TGFB3: variants seen among roughly 807,000 people sequenced by gnomAD.
The protein encoded by TGFB3 is transforming growth factor beta-3 proprotein.
TGFB3 carries 5 observed loss-of-function variants against 40.1 expected under a neutral mutation model. That is an observed-to-expected ratio of 0.12 (90% confidence interval 0.07 to 0.26). The LOEUF is 0.26. Among genes scored for constraint, TGFB3 ranks in the 10% least tolerant of loss-of-function variants. TGFB3 has a pLI of 1.00. For missense variants in TGFB3, 373 were observed against 530.1 expected, an observed-to-expected ratio of 0.70 and a Z score of 2.91; for synonymous variants, 184 against 205.6, an observed-to-expected ratio of 0.89 and a Z score of 0.90.
intron 4 of TGFB3, among the ~76,000 whole-genome samples, chr14:75,964,687 C>G (rs1032691096): frequency 6.6e-6 from 1 of 152,106 alleles, no homozygotes; most frequent in African/African-American, 2.4e-5. Context: ...TTCTGAAAAT[C>G]TTTATGAACA....
intron 1 of TGFB3, among the ~76,000 whole-genome samples, chr14:75,972,447 G>A (rs2035305029): frequency 6.6e-6 from 1 of 152,210 alleles, no homozygotes; most frequent in South Asian, 2.1e-4. Context: ...TGCCCCGGAA[G>A]ATGTCACAAT....
rs1463969797 is a variant in TGFB3, at chr14:75,971,661, G to A, written c.410C>T (p.Ser137Phe). ...GTTGGTTCTATTTTTCTCCACTGAG[G>A]ACACATTGAAGCGGAAAACCTTGGA... ...ITSKVFRFNV[S>F]SVEKNRTNLF... The change falls in exon 2 of 7, where the codon TCC (serine) becomes TTC (phenylalanine). Residue 137 changes from serine (S) to phenylalanine (F), a missense_variant. Coordinates refer to ENST00000238682, the MANE Select transcript of TGFB3 (RefSeq NM_003239.5). This position sits in a 1 kb window ranked among gnomAD's most constrained non-coding sequence, Gnocchi z 4.5. 6.2e-7 allele frequency: 1 copy of A among 1,614,244 alleles called. No homozygotes were observed.
rs1392193827 is a variant in TGFB3, at chr14:75,978,325, C to T, written c.352+2217G>A. ...ACCCCGCCCCGCCGCCTTGCAAGCC[C>T]CTGATGATGGCTCTCTGCTCCTGCT... On this transcript the variant is annotated intron_variant, in intron 1 of 6. Coordinates refer to ENST00000238682, the MANE Select transcript of TGFB3 (RefSeq NM_003239.5). The surrounding 1 kb of genome is among the most constrained non-coding windows in gnomAD (Gnocchi z 5.0). Among the ~76,000 whole-genome samples, 2 of 152,176 alleles carry T rather than the reference C, an allele frequency of 1.3e-5. No homozygotes were observed. The highest frequency in any genetic ancestry group is 2.4e-5 in the African/African-American group (1 of 41,430).
chr14:75,961,902 G>A (rs1250635350), intron 5 of TGFB3, among the ~76,000 whole-genome samples: 1 of 152,160 alleles, frequency 6.6e-6, no homozygotes, highest in Admixed American at 6.5e-5. Flanking sequence ...ATGTGACCCA[G>A]TAATGACCCA....
At chr14:75,969,522 G>T (rs192218851) in intron 3 of TGFB3, among the ~76,000 whole-genome samples, 1 of 152,196 alleles carries the variant, frequency 6.6e-6, no homozygotes, top group Non-Finnish European at 1.5e-5. Context: ...GCTTACTCTT[G>T]TAAAACATGG....
chr14:75,971,839 C>T lies in TGFB3; in HGVS notation c.353-121G>A, dbSNP rs373700712. 1 of 1,041,788 alleles carries T rather than the reference C, an allele frequency of 9.6e-7. No homozygotes were observed. The highest frequency in any genetic ancestry group is 1.6e-5 in the African/African-American group (1 of 63,878). The allele number at this position is 1,041,788 out of a possible 1,614,324, so 64.5% of individuals were successfully genotyped here. A position where few individuals can be genotyped will look rare whatever the true frequency, so the allele number is the denominator to read the frequency against. On this transcript the variant is annotated intron_variant, in intron 1 of 6. Transcript: ENST00000238682. This position sits in a 1 kb window ranked among gnomAD's most constrained non-coding sequence, Gnocchi z 4.5. ...CTGCCACCTCCCTAGAGGCTTGAGG[C>T]CTCAGACCGCAAGGTGGAGATACGA...
chr14:75,974,259 C>G (rs1011698899), intron 1 of TGFB3, among the ~76,000 whole-genome samples: 1 of 152,080 alleles, frequency 6.6e-6, no homozygotes, highest in Non-Finnish European at 1.5e-5. Context: ...TCAGGACACC[C>G]TAGTGGCCGT....
intron 3 of TGFB3, chr14:75,970,868 C>T (rs975589079): frequency 1.1e-5 from 5 of 454,402 alleles, no homozygotes; most frequent in South Asian, 2.0e-5. Context: ...CCCTGTTGGA[C>T]TCCACCCACT....
In TGFB3 at chr14:75,958,985, A is replaced by G; in HGVS notation, c.*202T>C. The G allele has an allele frequency of 1.5e-6, 1 of 660,102 alleles. No homozygotes were observed. The highest frequency in any genetic ancestry group is 1.7e-5 in the South Asian group (1 of 58,638). The allele number at this position is 660,102 out of a possible 1,614,324, so 40.9% of individuals were successfully genotyped here. On this transcript the variant is annotated 3_prime_UTR_variant, in exon 7 of 7. Transcript: ENST00000238682. Reference sequence around the variant, plus strand: ...GTTCAGCCTTCCTCTAACCAAACCCACACTTTCTTTACCACCGTGATTCTC... The same window carrying G: ...GTTCAGCCTTCCTCTAACCAAACCCGCACTTTCTTTACCACCGTGATTCTC...
intron 5 of TGFB3, 143 bp from the exon 6 acceptor site, chr14:75,961,219 G>C (rs1393118653): frequency 3.2e-6 from 3 of 925,394 alleles, no homozygotes; most frequent in East Asian, 2.6e-5. Context: ...CAAGGGCATG[G>C]GGCAGAAGAA....
At position 75,971,019 on chromosome 14, in the gene TGFB3, G is replaced by A. The variant is rs2035284111; in HGVS notation, c.646+107C>T. Reference sequence around the variant, plus strand: ...ATACTCAGTGGCAAAGCTAGGGTTTGAACCCAGATCTCTGACTCCCTTAAT... The same window carrying A: ...ATACTCAGTGGCAAAGCTAGGGTTTAAACCCAGATCTCTGACTCCCTTAAT... On this transcript the variant is annotated intron_variant, in intron 3 of 6. Coordinates refer to ENST00000238682, the MANE Select transcript of TGFB3 (RefSeq NM_003239.5). The surrounding 1 kb of genome is among the most constrained non-coding windows in gnomAD (Gnocchi z 4.5). 5 of 1,531,786 alleles carry A rather than the reference G, an allele frequency of 3.3e-6. No homozygotes were observed. Among genetic ancestry groups the A allele is most frequent in the Non-Finnish European group, 4.5e-6 (5 of 1,118,666 alleles). The allele number at this position is 1,531,786 out of a possible 1,614,324, so 94.9% of individuals were successfully genotyped here. A position where few individuals can be genotyped will look rare whatever the true frequency, so the allele number is the denominator to read the frequency against.
chr14:75,959,490 C>T lies in TGFB3; in HGVS notation c.1081-145G>A, dbSNP rs1429239251. On this transcript the variant is annotated intron_variant, in intron 6 of 6. Transcript: ENST00000238682. ...GCTCTTTAAGAGGAACTGTTGGGGGCCGGGTGCAGTGGCTCACAGCTGTAG... is the reference window on the plus strand; with the variant it reads ...GCTCTTTAAGAGGAACTGTTGGGGGTCGGGTGCAGTGGCTCACAGCTGTAG... 7.4e-6 allele frequency: 7 copies of T among 940,960 alleles called. 1 individual carries two copies. Among genetic ancestry groups the T allele is most frequent in the Admixed American group, 4.0e-5 (2 of 49,892 alleles). The allele number at this position is 940,960 out of a possible 1,614,324, so 58.3% of individuals were successfully genotyped here.
In TGFB3 at chr14:75,971,311, A is replaced by C; in HGVS notation, c.517-56T>G. The C allele has an allele frequency of 6.2e-7, 1 of 1,613,122 alleles. No homozygotes were observed. The highest frequency in any genetic ancestry group is 8.5e-7 in the Non-Finnish European group (1 of 1,179,834). ...AGACCAGGACAGAGTGCCCCAGAAG[A>C]TGTCACAATGCAGAGCACAGGTGAG... On this transcript the variant is annotated intron_variant, in intron 2 of 6. Transcript: ENST00000238682. This position sits in a 1 kb window ranked among gnomAD's most constrained non-coding sequence, Gnocchi z 4.5.
chr14:75,963,236 G>T, intron 5 of TGFB3, 80 bp downstream of exon 5: 1 of 1,535,004 alleles, frequency 6.5e-7, no homozygotes, highest in Non-Finnish European at 9.0e-7. Flanking sequence ...TGTTGAGTGT[G>T]GCTTGGCTCT....
rs375840320 is a variant in TGFB3, at chr14:75,959,271, G to C, written c.1155C>G (p.Pro385=). The change falls in exon 7 of 7, where the codon CCC becomes CCG. Residue 385 remains proline (P), a synonymous_variant. Transcript: ENST00000238682. ...SPCCVPQDLE[P]LTILYYVGRT... ...TCCCAACATAGTACAGGATGGTCAG[G>C]GGCTCCAGGTCCTGGGGCACGCAGC... 6.2e-7 allele frequency: 1 copy of C among 1,614,070 alleles called. No homozygotes were observed. The highest frequency in any genetic ancestry group is 1.3e-5 in the African/African-American group (1 of 74,914).
rs2035415861 is a variant in TGFB3, at chr14:75,980,698, G to A, written c.196C>T (p.Pro66Ser). ...PPEPTVMTHVPYQVLALYNST... is the reference protein window; with the variant it reads ...PPEPTVMTHVSYQVLALYNST... ...TTGTAAAGGGCCAGGACCTGATAGG[G>A]GACGTGGGTCATCACCGTTGGCTCA... The change falls in exon 1 of 7, where the codon CCC becomes TCC. Residue 66 changes from proline (P) to serine (S), a missense_variant. Coordinates refer to ENST00000238682, the MANE Select transcript of TGFB3 (RefSeq NM_003239.5). The surrounding 1 kb of genome is among the most constrained non-coding windows in gnomAD (Gnocchi z 4.3). The A allele has an allele frequency of 3.1e-6, 5 of 1,614,066 alleles. No individual in the cohort carries two copies. The highest frequency in any genetic ancestry group is 4.2e-6 in the Non-Finnish European group (5 of 1,180,042).
At chr14:75,961,167 T>C (rs992984509) in intron 5 of TGFB3, 91 bp from the exon 6 acceptor site, 5 of 1,457,128 alleles carry the variant, frequency 3.4e-6, no homozygotes, top group African/African-American at 1.4e-5. Context: ...TGGAGTCCTT[T>C]CATGCCATCA....
In TGFB3 at chr14:75,959,093, C is replaced by G. The variant is rs2035120856; in HGVS notation, c.*94G>C. The G allele has an allele frequency of 1.9e-6, 3 of 1,546,458 alleles. No homozygotes were observed. The highest frequency in any genetic ancestry group is 2.7e-6 in the Non-Finnish European group (3 of 1,120,584). Reference sequence around the variant, plus strand: ...GAGCCGAAGGTTGTGGGCTCCAGGCCTCTCAGTGAGGTTTGTTGCTTGTGT... The same window carrying G: ...GAGCCGAAGGTTGTGGGCTCCAGGCGTCTCAGTGAGGTTTGTTGCTTGTGT... On this transcript the variant is annotated 3_prime_UTR_variant, in exon 7 of 7. Coordinates refer to ENST00000238682, the MANE Select transcript of TGFB3 (RefSeq NM_003239.5).
At chr14:75,967,819 G>C (rs2035239328) in intron 3 of TGFB3, among the ~76,000 whole-genome samples, 1 of 152,194 alleles carries the variant, frequency 6.6e-6, no homozygotes, top group Non-Finnish European at 1.5e-5. Flanking sequence ...AGTAGTGCCA[G>C]GATTCAAGCA....
Sources: gnomAD v4.1 joint callset for allele counts (sites outside exome capture counted in the v4.1 genomes callset) on GRCh38, gnomAD v4.1.1 for gene constraint, Gnocchi (gnomAD v3.1) non-coding constraint, MANE v1.5 for transcripts, NCBI Gene and HGNC (gene_info 2026-07-23, HGNC 2026-07-21) for gene names.